The following LPXN variants were observed in gnomAD, a reference collection of about 807,000 sequenced individuals.
The protein encoded by LPXN is leupaxin.
LPXN carries 28 observed loss-of-function variants against 45.6 expected under a neutral mutation model. The ratio of observed to expected loss-of-function variants is 0.61; its 90% CI spans 0.45 to 0.84. LPXN has a LOEUF of 0.84. LPXN is among the 40% of genes least tolerant of loss of function. The probability of loss-of-function intolerance (pLI) is 0.00; values close to 1 mark genes in which losing one functional copy is unlikely to be tolerated. For missense variants in LPXN, 459 were observed against 475.0 expected, an observed-to-expected ratio of 0.97 and a Z score of 0.31; for synonymous variants, 166 against 169.9, an observed-to-expected ratio of 0.98 and a Z score of 0.18.
intron 4 of LPXN, among the ~76,000 whole-genome samples, chr11:58,552,614 C>G (rs1268782392): frequency 6.6e-6 from 1 of 152,174 alleles, no homozygotes; most frequent in Non-Finnish European, 1.5e-5. Context: ...TACTGTCTGC[C>G]TTAAGACCTC....
rs1216754840 is a variant in LPXN, at chr11:58,559,365, C to CAT, written c.219-4427_219-4426dup. Among the ~76,000 whole-genome samples the CAT allele has an allele frequency of 5.3e-5, 8 of 151,806 alleles. No homozygotes were observed. The South Asian group carries it at 8.3e-4, about 16-fold the overall frequency. The stretch of plus-strand genomic sequence containing the variant: ...GAATCTATCCTACAGAAAAATTGGA[C>CAT]ATATATATATAAATATATGTGCAAG... On this transcript the variant is annotated intron_variant, in intron 3 of 8. Transcript: ENST00000395074.
chr11:58,547,603 T>C (rs2120300377), intron 7 of LPXN, among the ~76,000 whole-genome samples: 1 of 152,224 alleles, frequency 6.6e-6, no homozygotes, highest in African/African-American at 2.4e-5. Flanking sequence ...GGGTGGTAGA[T>C]AACAAAGCGA....
upstream of LPXN, chr11:58,575,991 GA>G (rs1451721911): frequency 7.3e-7 from 1 of 1,363,290 alleles, no homozygotes; most frequent in East Asian, 2.7e-5. Flanking sequence ...GACTGACATA[GA>G]AAGGTAGATA....
At chr11:58,576,406 T>C (rs1478231919), upstream of LPXN, among the ~76,000 whole-genome samples, 6 of 152,184 alleles carry the variant, frequency 3.9e-5, no homozygotes, top group African/African-American at 7.2e-5. Context: ...CAAACATCTA[T>C]AGGGTGGTCA....
At chr11:58,527,911 G>T in intron 8 of LPXN, 132 bp downstream of exon 8, 1 of 1,200,676 alleles carries the variant, frequency 8.3e-7, no homozygotes, top group Non-Finnish European at 1.2e-6. Context: ...TCTGTATCTC[G>T]TTTCTCCTTT....
Position 58,527,713 on chromosome 11 carries a change from G to GT in LPXN, c.901dup (p.Thr301AsnfsTer10), listed in dbSNP as rs1853268543. The GT allele has an allele frequency of 6.2e-7, 1 of 1,613,892 alleles. No individual in the cohort carries two copies. The highest frequency in any genetic ancestry group is 8.5e-7 in the Non-Finnish European group (1 of 1,179,968). On this transcript the variant is annotated frameshift_variant, in exon 9 of 9. Coordinates refer to ENST00000395074, the MANE Select transcript of LPXN (RefSeq NM_004811.3). LOFTEE classifies it high-confidence loss of function. Reference sequence around the variant, plus strand: ...AAAGAAGGAGCCAGTAGAAAAACTGGTGAAGCAGTCCTGGGGTAGAGAGAA... The same window carrying GT: ...AAAGAAGGAGCCAGTAGAAAAACTGGTTGAAGCAGTCCTGGGGTAGAGAGAA...
intron 7 of LPXN, 129 bp from the exon 8 acceptor site, chr11:58,528,320 C>T: frequency 1.2e-6 from 1 of 844,806 alleles, no homozygotes; most frequent in Non-Finnish European, 1.9e-6. Flanking sequence ...TTACCTAATT[C>T]AAAGGGTAGT....
At position 58,570,629 on chromosome 11, in the gene LPXN, T is replaced by C. The variant is rs372202438; in HGVS notation, c.98A>G (p.His33Arg). 22 of 1,613,588 alleles carry C rather than the reference T, an allele frequency of 1.4e-5. No individual in the cohort carries two copies. In the African/African-American group the frequency reaches 2.8e-4, roughly 21 times the overall value. Reference sequence around the variant, plus strand: ...ATCAAGGTTAGTCTCCTTTCTGGAATGCTGATCCAGGGGAAGAGGAGCTGG... The same window carrying C: ...ATCAAGGTTAGTCTCCTTTCTGGAACGCTGATCCAGGGGAAGAGGAGCTGG... Reference protein sequence around the residue: ...SNPAPLPLDQHSRKETNLDET... With the variant: ...SNPAPLPLDQRSRKETNLDET... Residue 33 changes from histidine (H) to arginine (R), a missense_variant, in exon 2 of 9, where the codon CAT (histidine) becomes CGT (arginine). Coordinates refer to ENST00000395074, the MANE Select transcript of LPXN (RefSeq NM_004811.3).
chr11:58,557,077 C>A (rs959920018), intron 3 of LPXN, among the ~76,000 whole-genome samples: 1 of 152,064 alleles, frequency 6.6e-6, no homozygotes, highest in African/African-American at 2.4e-5. Flanking sequence ...AAAAAAGAAC[C>A]TTTATACACT....
At chr11:58,558,103 G>C (rs1421953477) in intron 3 of LPXN, among the ~76,000 whole-genome samples, 3 of 151,762 alleles carry the variant, frequency 2.0e-5, no homozygotes, top group Non-Finnish European at 4.4e-5. Context: ...GGGACCTGGA[G>C]TTGCGAACAA....
At chr11:58,549,308 C>T (rs983797228) in intron 7 of LPXN, among the ~76,000 whole-genome samples, 3 of 152,056 alleles carry the variant, frequency 2.0e-5, no homozygotes, top group Non-Finnish European at 2.9e-5. Context: ...GCAGGAGAAT[C>T]GCTTGAACCC....
intron 4 of LPXN, 115 bp from the exon 5 acceptor site, chr11:58,551,347 C>A: frequency 1.3e-6 from 1 of 799,718 alleles, no homozygotes; most frequent in Admixed American, 4.2e-5. Flanking sequence ...TTTCCCCAAC[C>A]TTCCTGCAAG....
intron 7 of LPXN, among the ~76,000 whole-genome samples, chr11:58,534,968 G>A (rs1439567695): frequency 1.3e-5 from 2 of 152,300 alleles, no homozygotes; most frequent in East Asian, 3.9e-4. Flanking sequence ...GTCTAGACCA[G>A]GAAGAAGTCA....
chr11:58,551,608 T>C (rs1444561917), intron 4 of LPXN, among the ~76,000 whole-genome samples: 1 of 152,230 alleles, frequency 6.6e-6, no homozygotes, highest in Non-Finnish European at 1.5e-5. Flanking sequence ...TGCCAATCAC[T>C]GCTCTAAGCA....
upstream of LPXN, among the ~76,000 whole-genome samples, chr11:58,576,437 G>A (rs1854894001): frequency 6.6e-6 from 1 of 152,166 alleles, no homozygotes; most frequent in Admixed American, 6.5e-5. Flanking sequence ...AGCCAGGTTT[G>A]ACACCAGATG....
intron 1 of LPXN, 148 bp from the exon 2 acceptor site, chr11:58,570,861 A>G: frequency 1.8e-6 from 1 of 541,806 alleles, no homozygotes; most frequent in Non-Finnish European, 3.1e-6. Context: ...TCCTTATTTC[A>G]CTTCAAGAAT....
At chr11:58,578,465 A>G (rs1003109981), upstream of LPXN, among the ~76,000 whole-genome samples, 6 of 151,758 alleles carry the variant, frequency 4.0e-5, no homozygotes, top group African/African-American at 1.5e-4. Flanking sequence ...TGCCCCCACA[A>G]CCCCGCCTCC....
chr11:58,575,911 T>C, upstream of LPXN: 1 of 1,528,830 alleles, frequency 6.5e-7, no homozygotes, highest in African/African-American at 1.4e-5. Flanking sequence ...TGTATTTGCT[T>C]AGCACTTCCT....
rs145372156 is a variant in LPXN, at chr11:58,550,044, C to T, written c.589G>A (p.Ala197Thr). 1.2e-6 allele frequency: 2 copies of T among 1,614,020 alleles called. No homozygotes were observed. Among genetic ancestry groups the T allele is most frequent in the African/African-American group, 2.7e-5 (2 of 74,898 alleles). ...SSPFFERSGL[A>T]YCPNDYHQLF... is the part of the protein sequence containing the mutation. The stretch of plus-strand genomic sequence containing the variant: ...TGGTGGTAGTCGTTGGGGCAGTAGG[C>T]CAAGCCACTCCGCTCAAAGAAGGGA... The change falls in exon 6 of 9, where the codon GCC becomes ACC. Residue 197 changes from alanine (A) to threonine (T), a missense_variant. Ala to Thr is a moderately conservative substitution (Grantham distance 58). Coordinates refer to ENST00000395074, the MANE Select transcript of LPXN (RefSeq NM_004811.3).
Sources: allele counts gnomAD v4.1 joint callset (sites outside exome capture counted in the v4.1 genomes callset), GRCh38; gene constraint gnomAD v4.1.1; transcripts MANE v1.5; gene names NCBI Gene and HGNC (gene_info 2026-07-23, HGNC 2026-07-21).